The following SORCS3 variants were observed in gnomAD, a reference collection of about 807,000 sequenced individuals.
SORCS3 encodes sortilin related VPS10 domain containing receptor 3.
In SORCS3, 57 loss-of-function variants were observed where a neutral mutation model predicts 146.3. The ratio of observed to expected loss-of-function variants is 0.39; its 90% CI spans 0.31 to 0.49. The LOEUF (loss-of-function observed/expected upper bound fraction) is 0.49, where lower values mean the gene tolerates loss of function less well. Among genes scored for constraint, SORCS3 ranks in the 20% least tolerant of loss-of-function variants. The pLI is 0.92. For missense variants in SORCS3, 1,341 were observed against 1,575.5 expected (o/e 0.85, Z 2.52); for synonymous variants, 653 against 618.5 (o/e 1.06, Z -0.83).
At chr10:104,839,560 A>G (rs1046897757) in intron 1 of SORCS3, among the ~76,000 whole-genome samples, 3 of 152,204 alleles carry the variant, frequency 2.0e-5, no homozygotes, top group South Asian at 2.1e-4. Flanking sequence ...AAGAGTATGC[A>G]TGGGCCAGAT....
chr10:105,150,144 G>C (rs79062693), intron 9 of SORCS3, among the ~76,000 whole-genome samples: 3,863 of 152,230 alleles, frequency 0.025, 103 homozygotes, highest in East Asian at 0.16. Flanking sequence ...TGGGTTTTGA[G>C]GGGGTCAATA....
At chr10:104,970,791 G>A (rs2054856384) in intron 3 of SORCS3, among the ~76,000 whole-genome samples, 1 of 152,062 alleles carries the variant, frequency 6.6e-6, no homozygotes, top group Non-Finnish European at 1.5e-5. Flanking sequence ...GTGAATTTTA[G>A]CACTTAAAAG....
intron 2 of SORCS3, among the ~76,000 whole-genome samples, chr10:104,852,187 T>C (rs748789922): frequency 6.6e-6 from 1 of 152,238 alleles, no homozygotes; most frequent in South Asian, 2.1e-4. Context: ...CTGGGAGGAA[T>C]GTAAGGCCTG....
intron 14 of SORCS3, among the ~76,000 whole-genome samples, chr10:105,182,228 A>ATTTTTTTTTT (rs1306740780): frequency 1.2e-3 from 81 of 69,238 alleles, no homozygotes; most frequent in Admixed American, 2.3e-3. Context: ...ACTATTCAGC[A>ATTTTTTTTTT]TCTTTTTTTT....
chr10:104,952,871 A>G (rs1188927639), intron 3 of SORCS3, among the ~76,000 whole-genome samples: 2 of 152,142 alleles, frequency 1.3e-5, no homozygotes, highest in Non-Finnish European at 2.9e-5. Context: ...ATTTCTTGCT[A>G]TTTTCTATTT....
At chr10:105,244,272 A>AT (rs1554889710) in intron 20 of SORCS3, among the ~76,000 whole-genome samples, 1 of 151,118 alleles carries the variant, frequency 6.6e-6, no homozygotes, top group Non-Finnish European at 1.5e-5. Flanking sequence ...CCAGGAAAAA[A>AT]AAATATATAT....
chr10:105,209,863 T>G (rs1334988383), intron 16 of SORCS3, among the ~76,000 whole-genome samples: 2 of 152,096 alleles, frequency 1.3e-5, no homozygotes, highest in Non-Finnish European at 2.9e-5. Flanking sequence ...CATTAATCAA[T>G]TGGTTCTTCT....
In SORCS3 at chr10:105,259,437, G is replaced by T. The variant is rs1046955264; in HGVS notation, c.3443+2513G>T. 2.9e-4 allele frequency among the ~76,000 whole-genome samples: 44 copies of T among 152,110 alleles called. 1 individual carries two copies. Among genetic ancestry groups the T allele is most frequent in the Admixed American group, 5.2e-4 (8 of 15,274 alleles). On this transcript the variant is annotated intron_variant, in intron 25 of 26. Transcript: ENST00000369701. ...TTTATTGAGTACTTCCTGTGTTCCAGGCACTGGAAATGATCTCAGTATCCC... is the reference window on the plus strand; with the variant it reads ...TTTATTGAGTACTTCCTGTGTTCCATGCACTGGAAATGATCTCAGTATCCC...
intron 23 of SORCS3, among the ~76,000 whole-genome samples, chr10:105,254,970 C>T (rs1267758945): frequency 2.0e-5 from 3 of 151,594 alleles, no homozygotes; most frequent in Non-Finnish European, 4.4e-5. Context: ...GGGCGGATCA[C>T]GAGGTCAGGA....
intron 14 of SORCS3, among the ~76,000 whole-genome samples, chr10:105,185,372 T>C (rs1403800178): frequency 2.6e-5 from 4 of 152,154 alleles, no homozygotes; most frequent in African/African-American, 7.2e-5. Flanking sequence ...TCCAACACCC[T>C]GTAGTCCAAC....
intron 1 of SORCS3, among the ~76,000 whole-genome samples, chr10:104,793,314 G>T (rs899823385): frequency 1.3e-5 from 2 of 152,192 alleles, no homozygotes; most frequent in Admixed American, 6.5e-5. Context: ...CAGGTCTGCT[G>T]GATTAAAATA....
intron 1 of SORCS3, among the ~76,000 whole-genome samples, chr10:104,693,587 C>T (rs1589460043): frequency 6.6e-6 from 1 of 152,164 alleles, no homozygotes. Flanking sequence ...CCAGAGCTGA[C>T]TCCATACGGA....
At position 104,754,221 on chromosome 10, in the gene SORCS3, G is replaced by C. The variant is rs550126032; in HGVS notation, c.628-88571G>C. On this transcript the variant is annotated intron_variant, in intron 1 of 26. Coordinates refer to ENST00000369701, the MANE Select transcript of SORCS3 (RefSeq NM_014978.3). ...CCTGCCTGTGTCAAAAGCACATGCT[G>C]TTTCCATCACACTGAGTTTCTCTGC... Among the ~76,000 whole-genome samples the C allele has an allele frequency of 3.3e-5, 5 of 152,328 alleles. No individual in the cohort carries two copies. In the East Asian group the frequency reaches 9.7e-4, roughly 29 times the overall value.
At chr10:105,111,801 A>G (rs2055860883) in intron 7 of SORCS3, among the ~76,000 whole-genome samples, 1 of 152,212 alleles carries the variant, frequency 6.6e-6, no homozygotes. Flanking sequence ...ACCTGACCCT[A>G]GAAGAGGGTC....
In SORCS3 at chr10:105,249,530, G is replaced by A. The variant is rs114432532; in HGVS notation, c.3105+2199G>A. On this transcript the variant is annotated intron_variant, in intron 22 of 26. Coordinates refer to ENST00000369701, the MANE Select transcript of SORCS3 (RefSeq NM_014978.3). Reference sequence around the variant, plus strand: ...ACATAGGAGCATTGCTGTATGGAGCGGTCTGTAAGAGTAACTACACTTCAA... The same window carrying A: ...ACATAGGAGCATTGCTGTATGGAGCAGTCTGTAAGAGTAACTACACTTCAA... 3.5e-3 allele frequency among the ~76,000 whole-genome samples: 538 copies of A among 152,156 alleles called. 4 individuals are homozygous for A. The highest frequency in any genetic ancestry group is 0.012 in the African/African-American group (492 of 41,512).
chr10:104,885,185 G>A (rs1377755660), intron 2 of SORCS3, among the ~76,000 whole-genome samples: 1 of 152,176 alleles, frequency 6.6e-6, no homozygotes, highest in Admixed American at 6.5e-5. Context: ...AGGTCTTCTT[G>A]TAGATTCTCA....
intron 3 of SORCS3, among the ~76,000 whole-genome samples, chr10:104,931,130 G>T (rs1317581740): frequency 6.6e-6 from 1 of 152,170 alleles, no homozygotes; most frequent in African/African-American, 2.4e-5. Flanking sequence ...AAGTTTGTCT[G>T]CTTTAAAGCT....
At chr10:105,150,942 G>C (rs907370215) in intron 9 of SORCS3, among the ~76,000 whole-genome samples, 17 of 152,290 alleles carry the variant, frequency 1.1e-4, no homozygotes, top group African/African-American at 4.1e-4. Context: ...AAGTGCCCTT[G>C]AGTAATGCAA....
intron 3 of SORCS3, among the ~76,000 whole-genome samples, chr10:104,966,557 C>T (rs532181138): frequency 6.6e-6 from 1 of 152,224 alleles, no homozygotes; most frequent in African/African-American, 2.4e-5. Flanking sequence ...AAACATTGAA[C>T]TAGAGTGTTT....
Sources: allele counts gnomAD v4.1 joint callset (sites outside exome capture counted in the v4.1 genomes callset), GRCh38; gene constraint gnomAD v4.1.1; transcripts MANE v1.5; gene names NCBI Gene and HGNC (gene_info 2026-07-23, HGNC 2026-07-21).